MAP3K7: variants seen among roughly 807,000 people sequenced by gnomAD.
MAP3K7 encodes the protein TGF-beta activated kinase 1.
A neutral mutation model predicts 84.8 loss-of-function variants in MAP3K7; 21 were observed. The ratio of observed to expected loss-of-function variants is 0.25; its 90% confidence interval spans 0.18 to 0.36. MAP3K7 has a LOEUF of 0.36. Among genes scored for constraint, MAP3K7 ranks in the 10% least tolerant of loss-of-function variants. The pLI, the probability that MAP3K7 is intolerant of heterozygous loss-of-function variation, is 1.00. For synonymous variants in MAP3K7, 241 were observed against 247.7 expected (o/e 0.97, Z 0.25); for missense variants, 503 against 747.7 (o/e 0.67, Z 3.82).
chr6:90,558,450 C>G (rs1776406174), intron 5 of MAP3K7, among the ~76,000 whole-genome samples: 1 of 152,118 alleles, frequency 6.6e-6, no homozygotes, highest in South Asian at 2.1e-4. Context: ...ACTTTCTGAA[C>G]TAGAATCAAT....
At chr6:90,553,251 T>G (rs1041942083) in intron 7 of MAP3K7, among the ~76,000 whole-genome samples, 14 of 152,160 alleles carry the variant, frequency 9.2e-5, no homozygotes, top group Non-Finnish European at 1.8e-4. Flanking sequence ...CAGCCGCATG[T>G]GTAGACCAGG....
intron 3 of MAP3K7, among the ~76,000 whole-genome samples, chr6:90,564,330 C>G (rs988601709): frequency 6.6e-6 from 1 of 151,950 alleles, no homozygotes; most frequent in Non-Finnish European, 1.5e-5. Flanking sequence ...ACTCATCTCA[C>G]GGGCAGAGAC....
intron 4 of MAP3K7, among the ~76,000 whole-genome samples, chr6:90,560,861 T>G (rs1192810473): frequency 6.6e-6 from 1 of 152,114 alleles, no homozygotes; most frequent in Non-Finnish European, 1.5e-5. Flanking sequence ...TATGGCACAC[T>G]ACTACAAGAG....
At chr6:90,526,738 A>G (rs1307547159) in intron 13 of MAP3K7, among the ~76,000 whole-genome samples, 5 of 152,078 alleles carry the variant, frequency 3.3e-5, no homozygotes, top group African/African-American at 9.6e-5. Context: ...TCTTTAAAAA[A>G]AAGTTTCAAA....
At chr6:90,554,642 C>T (rs1582206527) in intron 6 of MAP3K7, among the ~76,000 whole-genome samples, 1 of 152,276 alleles carries the variant, frequency 6.6e-6, no homozygotes, top group East Asian at 1.9e-4. Context: ...TAACAGTCTG[C>T]ATTTTGTTGC....
At chr6:90,543,509 A>G (rs1209391176) in intron 12 of MAP3K7, among the ~76,000 whole-genome samples, 2 of 152,102 alleles carry the variant, frequency 1.3e-5, no homozygotes, top group South Asian at 4.1e-4. Flanking sequence ...TGCTGATACA[A>G]TCAATAATAA....
intron 1 of MAP3K7, among the ~76,000 whole-genome samples, chr6:90,582,772 T>C (rs893062352): frequency 3.3e-5 from 5 of 152,216 alleles, no homozygotes; most frequent in Non-Finnish European, 5.9e-5. Flanking sequence ...TTACACTATA[T>C]TCAGTTTTAA....
intron 1 of MAP3K7, among the ~76,000 whole-genome samples, chr6:90,575,327 A>C (rs1777037979): frequency 6.6e-6 from 1 of 152,158 alleles, no homozygotes; most frequent in South Asian, 2.1e-4. Context: ...GAAGGCTAAT[A>C]AACTCCTCCC....
intron 12 of MAP3K7, 96 bp downstream of exon 12, chr6:90,544,456 G>T: frequency 9.7e-7 from 1 of 1,031,982 alleles, no homozygotes; most frequent in Non-Finnish European, 1.5e-6. Context: ...CCATTTTCAT[G>T]TCTTGTAAAA....
chr6:90,537,341 T>C (rs1775713902), intron 12 of MAP3K7: 1 of 152,030 alleles, frequency 6.6e-6, no homozygotes, highest in Non-Finnish European at 1.5e-5. Context: ...ACTCTAATTG[T>C]AGTTTCCCGA....
At chr6:90,529,377 T>C (rs1344486550) in intron 13 of MAP3K7, among the ~76,000 whole-genome samples, 30 of 152,190 alleles carry the variant, frequency 2.0e-4, no homozygotes. Context: ...TTCAGTCTAA[T>C]ACTTTGGAGA....
rs1472029700 is a variant in MAP3K7, at chr6:90,581,550, C to T, written c.120+5214G>A. On this transcript the variant is annotated intron_variant, in intron 1 of 16. Transcript: ENST00000369329. ...GTAAAGCTTTGATTATTCAAACTTT[C>T]TTCTGAATGTTTCATGCAGTCTTTT... is the stretch of plus-strand genomic sequence containing the variant. 2.0e-5 allele frequency among the ~76,000 whole-genome samples: 3 copies of T among 152,318 alleles called. No homozygotes were observed. In the East Asian group the frequency reaches 5.8e-4, roughly 29 times the overall value.
In MAP3K7 at chr6:90,553,605, G is replaced by A. The variant is rs1204284592; in HGVS notation, c.608-19C>T. On this transcript the variant is annotated intron_variant, in intron 6 of 16. Transcript: ENST00000369329. Reference sequence around the variant, plus strand: ...TTACTACCTAGAAAAAAAAAAGGTAGTATATAACCTAAAGACTATTTTTCC... The same window carrying A: ...TTACTACCTAGAAAAAAAAAAGGTAATATATAACCTAAAGACTATTTTTCC... The A allele has an allele frequency of 1.9e-6, 3 of 1,590,930 alleles. No individual in the cohort carries two copies. In the African/African-American group the frequency reaches 4.1e-5, roughly 22 times the overall value.
At chr6:90,564,331 G>A (rs533835955) in intron 3 of MAP3K7, among the ~76,000 whole-genome samples, 8 of 152,124 alleles carry the variant, frequency 5.3e-5, no homozygotes, top group East Asian at 3.9e-4. Context: ...CTCATCTCAC[G>A]GGCAGAGACA....
intron 12 of MAP3K7, among the ~76,000 whole-genome samples, chr6:90,543,373 T>A (rs1775911720): frequency 6.6e-6 from 1 of 152,066 alleles, no homozygotes; most frequent in Non-Finnish European, 1.5e-5. Context: ...AATAGTATAA[T>A]TCATATTTTT....
chr6:90,574,531 T>A (rs142952742), intron 1 of MAP3K7, among the ~76,000 whole-genome samples: 32 of 152,328 alleles, frequency 2.1e-4, no homozygotes, highest in African/African-American at 6.7e-4. Context: ...TACCTATTGA[T>A]ATTACTATTA....
chr6:90,539,880 G>T (rs1775801723), intron 12 of MAP3K7, among the ~76,000 whole-genome samples: 1 of 151,738 alleles, frequency 6.6e-6, no homozygotes, highest in African/African-American at 2.4e-5. Flanking sequence ...AAATGTTTGG[G>T]CCTCTCTACA....
intron 1 of MAP3K7, among the ~76,000 whole-genome samples, chr6:90,577,923 C>T (rs558843605): frequency 8.5e-5 from 13 of 152,314 alleles, no homozygotes; most frequent in African/African-American, 2.9e-4. Context: ...GAAGCCATCA[C>T]ACAGACCAGA....
At chr6:90,568,927 G>A (rs1373279275) in intron 2 of MAP3K7, among the ~76,000 whole-genome samples, 1 of 152,118 alleles carries the variant, frequency 6.6e-6, no homozygotes, top group African/African-American at 2.4e-5. Context: ...TGAGTATATA[G>A]AATAAGAAGA....
Sources: gnomAD v4.1 joint callset for allele counts (sites outside exome capture counted in the v4.1 genomes callset) on GRCh38, gnomAD v4.1.1 for gene constraint, MANE v1.5 for transcripts, NCBI Gene and HGNC (gene_info 2026-07-23, HGNC 2026-07-21) for gene names.